Variants in SLC30A8 observed in about 807,000 individuals in gnomAD.
The protein encoded by SLC30A8 is solute carrier family 30 member 8, also known as proton-coupled zinc antiporter SLC30A8.
A neutral mutation model predicts 36.9 loss-of-function variants in SLC30A8; 27 were observed. The ratio of observed to expected loss-of-function variants is 0.73; its 90% CI spans 0.54 to 1.01. SLC30A8 has a LOEUF of 1.01. Ranked by LOEUF, SLC30A8 falls within the 50% of genes least tolerant of loss-of-function variation. SLC30A8 has a pLI of 0.00. For synonymous variants in SLC30A8, 164 were observed against 172.4 expected (o/e 0.95, Z 0.38); for missense variants, 439 against 452.0 (o/e 0.97, Z 0.26).
intron 2 of SLC30A8, among the ~76,000 whole-genome samples, chr8:117,059,571 C>A (rs556485897): frequency 1.3e-5 from 2 of 152,324 alleles, no homozygotes; most frequent in South Asian, 4.1e-4. Context: ...CACCCCTACT[C>A]ATGAATAATA....
In SLC30A8 at chr8:116,968,904, T is replaced by A. The variant is rs909589430; in HGVS notation, c.-266+17785T>A. Among the ~76,000 whole-genome samples the A allele has an allele frequency of 3.3e-5, 5 of 152,112 alleles. No homozygotes were observed. The East Asian group carries it at 9.7e-4, about 30-fold the overall frequency. On this transcript the variant is annotated intron_variant, in intron 1 of 10. Transcript: ENST00000427715. Reference sequence around the variant, plus strand: ...GGCATGCACCACCATGCCTAGCTAATTTTTGTGTTTTTAGTGGAGAGGGGG... The same window carrying A: ...GGCATGCACCACCATGCCTAGCTAAATTTTGTGTTTTTAGTGGAGAGGGGG...
chr8:116,970,833 A>G (rs962409590), intron 1 of SLC30A8, among the ~76,000 whole-genome samples: 1 of 152,156 alleles, frequency 6.6e-6, no homozygotes, highest in African/African-American at 2.4e-5. Flanking sequence ...GGTGGCTCAC[A>G]CCAATAATCC....
chr8:117,100,738 T>G (rs543411428), intron 2 of SLC30A8, among the ~76,000 whole-genome samples: 1 of 152,346 alleles, frequency 6.6e-6, no homozygotes, highest in East Asian at 1.9e-4. Flanking sequence ...TTAGAGTAGA[T>G]ACTATCAATA....
chr8:117,147,062 A>G lies in SLC30A8; in HGVS notation c.180A>G (p.Thr60=). The change falls in exon 2 of 8, where the codon ACA becomes ACG. Residue 60 remains threonine (T), a synonymous_variant. Coordinates refer to ENST00000456015, the MANE Select transcript of SLC30A8 (RefSeq NM_173851.3). ...MYHCHSGSKP[T]EKGANEYAYA... is the part of the protein sequence containing the mutation. ...ACTGCCACAGTGGCTCCAAGCCCAC[A>G]GAAAAGGGGGCGAATGAGTACGCCT... The G allele has an allele frequency of 6.2e-7, 1 of 1,614,184 alleles. No individual in the cohort carries two copies.
chr8:117,131,075 G>T (rs963049288), upstream of SLC30A8, among the ~76,000 whole-genome samples: 1 of 151,674 alleles, frequency 6.6e-6, no homozygotes, highest in Admixed American at 6.6e-5. Flanking sequence ...TCAATCGCTT[G>T]AAAAATAGAA....
At chr8:116,983,693 T>A (rs950685998) in intron 1 of SLC30A8, among the ~76,000 whole-genome samples, 13 of 152,180 alleles carry the variant, frequency 8.5e-5, no homozygotes. Flanking sequence ...TTGGTCTTCC[T>A]TTTTTCCCCT....
chr8:117,111,301 G>A (rs1475778997), intron 2 of SLC30A8, among the ~76,000 whole-genome samples: 1 of 152,160 alleles, frequency 6.6e-6, no homozygotes, highest in Non-Finnish European at 1.5e-5. Flanking sequence ...TGGTGTTCAG[G>A]TTAGGAACTG....
chr8:117,146,869 C>G, intron 1 of SLC30A8, 85 bp from the exon 2 acceptor site: 1 of 1,575,610 alleles, frequency 6.3e-7, no homozygotes, highest in South Asian at 1.2e-5. Context: ...GTCCTAATAG[C>G]GGTTCCAAGT....
upstream of SLC30A8, among the ~76,000 whole-genome samples, chr8:117,131,034 A>G (rs1821118430): frequency 6.6e-6 from 1 of 151,988 alleles, no homozygotes; most frequent in Non-Finnish European, 1.5e-5. Flanking sequence ...AACAAATACA[A>G]ATTGCATTTT....
In SLC30A8 at chr8:117,093,451, T is replaced by A. The variant is rs190394782; in HGVS notation, c.-225-41829T>A. On this transcript the variant is annotated intron_variant, in intron 2 of 10. Transcript: ENST00000427715. Reference sequence around the variant, plus strand: ...GGTTCTTCTAAGTATTTCTCTCCCATTGCCCCTCAGTGGTCCTGAGCCCCC... The same window carrying A: ...GGTTCTTCTAAGTATTTCTCTCCCAATGCCCCTCAGTGGTCCTGAGCCCCC... Among the ~76,000 whole-genome samples, 456 of 151,956 alleles carry A rather than the reference T, an allele frequency of 3.0e-3. 1 individual carries two copies. The highest frequency in any genetic ancestry group is 0.01 in the African/African-American group (422 of 41,498).
At chr8:117,021,578 C>T (rs765733767) in intron 1 of SLC30A8, among the ~76,000 whole-genome samples, 1 of 152,204 alleles carries the variant, frequency 6.6e-6, no homozygotes, top group Non-Finnish European at 1.5e-5. Context: ...CATTCATCCA[C>T]ATTTTCAAGG....
intron 2 of SLC30A8, among the ~76,000 whole-genome samples, chr8:117,045,378 T>C (rs1337085919): frequency 6.6e-6 from 1 of 152,162 alleles, no homozygotes; most frequent in Non-Finnish European, 1.5e-5. Context: ...CAAATTACCT[T>C]TTTTTAAAAA....
At chr8:116,967,361 A>G (rs938948835) in intron 1 of SLC30A8, among the ~76,000 whole-genome samples, 1 of 152,212 alleles carries the variant, frequency 6.6e-6, no homozygotes, top group East Asian at 1.9e-4. Flanking sequence ...GATTGCCTGG[A>G]GAATTAATTT....
intron 1 of SLC30A8, among the ~76,000 whole-genome samples, chr8:117,000,604 T>C (rs1342638068): frequency 6.6e-6 from 1 of 152,202 alleles, no homozygotes; most frequent in Non-Finnish European, 1.5e-5. Context: ...ATTATTTGGC[T>C]GTATCTGCTG....
chr8:117,044,799 C>T (rs1211182422), intron 2 of SLC30A8, among the ~76,000 whole-genome samples: 2 of 152,178 alleles, frequency 1.3e-5, no homozygotes, highest in Non-Finnish European at 2.9e-5. Context: ...GGTTAAAATT[C>T]GGGGAATCAG....
intron 1 of SLC30A8, among the ~76,000 whole-genome samples, chr8:117,146,069 A>G (rs764327728): frequency 3.0e-4 from 45 of 152,240 alleles, no homozygotes; most frequent in Non-Finnish European, 5.0e-4. Context: ...TGAGATGACT[A>G]TAGTTTGCAA....
intron 1 of SLC30A8, among the ~76,000 whole-genome samples, chr8:116,981,788 G>A (rs546590124): frequency 6.6e-6 from 1 of 152,250 alleles, no homozygotes; most frequent in East Asian, 1.9e-4. Context: ...TGGTGTGTAT[G>A]TACTACATAT....
At chr8:117,140,322 C>G (rs185397523) in intron 1 of SLC30A8, among the ~76,000 whole-genome samples, 1 of 152,044 alleles carries the variant, frequency 6.6e-6, no homozygotes, top group African/African-American at 2.4e-5. Flanking sequence ...GAAAAAGGAG[C>G]AGAAAAACAG....
intron 1 of SLC30A8, among the ~76,000 whole-genome samples, chr8:116,972,650 G>A (rs1225114539): frequency 6.6e-6 from 1 of 152,156 alleles, no homozygotes; most frequent in Non-Finnish European, 1.5e-5. Flanking sequence ...GGACCATAGT[G>A]ACCAGTAGAC....
Sources: allele counts gnomAD v4.1 joint callset (sites outside exome capture counted in the v4.1 genomes callset), GRCh38; gene constraint gnomAD v4.1.1; transcripts MANE v1.5; gene names NCBI Gene and HGNC (gene_info 2026-07-23, HGNC 2026-07-21).